The following SDK1 variants were observed in gnomAD, a reference collection of about 807,000 sequenced individuals.
SDK1 encodes sidekick cell adhesion molecule 1, also known as protein sidekick-1.
In SDK1, 157 loss-of-function variants were observed where a neutral mutation model predicts 245.5. The ratio of observed to expected loss-of-function variants is 0.64; its 90% CI spans 0.56 to 0.73. The LOEUF is 0.73. Ranked by LOEUF, SDK1 falls within the 30% of genes least tolerant of loss-of-function variation. The pLI is 0.00. For synonymous variants in SDK1, 1,647 were observed against 1,278.5 expected, an observed-to-expected ratio of 1.29 and a Z score of -6.15; for missense variants, 3,583 against 3,002.3, an observed-to-expected ratio of 1.19 and a Z score of -4.52.
chr7:3,308,807 A>G (rs951593432), intron 1 of SDK1, among the ~76,000 whole-genome samples: 1 of 152,058 alleles, frequency 6.6e-6, no homozygotes, highest in African/African-American at 2.4e-5. Context: ...TCTAGACCTA[A>G]TTCTTTACCT....
chr7:3,432,926 A>C (rs1779908609), intron 1 of SDK1, among the ~76,000 whole-genome samples: 1 of 152,224 alleles, frequency 6.6e-6, no homozygotes, highest in Non-Finnish European at 1.5e-5. Context: ...GATTCATAGC[A>C]TGTTATTACT....
At chr7:4,177,112 C>T (rs1184192928) in intron 34 of SDK1, among the ~76,000 whole-genome samples, 4 of 152,368 alleles carry the variant, frequency 2.6e-5, no homozygotes, top group South Asian at 4.1e-4. Flanking sequence ...GGCAGCACAG[C>T]TCCAACATGT....
intron 5 of SDK1, among the ~76,000 whole-genome samples, chr7:3,940,482 C>T (rs1431442483): frequency 2.6e-5 from 4 of 152,198 alleles, no homozygotes; most frequent in Admixed American, 2.6e-4. Context: ...ATGGCATCTT[C>T]TTCTTCCTTC....
chr7:3,634,747 A>T (rs56843848), intron 2 of SDK1, among the ~76,000 whole-genome samples: 1 of 152,164 alleles, frequency 6.6e-6, no homozygotes, highest in Non-Finnish European at 1.5e-5. Context: ...AACTTTCTTC[A>T]TATTTTTTCC....
At chr7:3,321,147 GAAATA>G (rs1320248502) in intron 1 of SDK1, among the ~76,000 whole-genome samples, 1 of 152,162 alleles carries the variant, frequency 6.6e-6, no homozygotes, top group Non-Finnish European at 1.5e-5. Context: ...CATCATACGT[GAAATA>G]AAATCTTTTT....
chr7:3,901,250 G>C (rs150055323), intron 5 of SDK1, among the ~76,000 whole-genome samples: 3 of 151,532 alleles, frequency 2.0e-5, no homozygotes, highest in Non-Finnish European at 4.4e-5. Flanking sequence ...GTGGTGGCAC[G>C]ATCTCAGCTC....
chr7:3,639,991 T>G (rs896932042), intron 3 of SDK1, among the ~76,000 whole-genome samples: 1 of 151,980 alleles, frequency 6.6e-6, no homozygotes, highest in Non-Finnish European at 1.5e-5. Context: ...GGACCACAGG[T>G]GTGTGCCACC....
chr7:3,967,511 C>A, intron 10 of SDK1, 77 bp downstream of exon 10: 1 of 874,396 alleles, frequency 1.1e-6, no homozygotes, highest in Non-Finnish European at 1.9e-6. Context: ...GCTTCTTATT[C>A]ACTCTCTTGT....
chr7:3,650,631 C>A (rs933274742), intron 4 of SDK1, among the ~76,000 whole-genome samples: 1 of 152,140 alleles, frequency 6.6e-6, no homozygotes, highest in Non-Finnish European at 1.5e-5. Flanking sequence ...GACTTTGATA[C>A]ATCAACAAAC....
At chr7:3,351,448 T>TC (rs1441461219) in intron 1 of SDK1, among the ~76,000 whole-genome samples, 2 of 152,058 alleles carry the variant, frequency 1.3e-5, no homozygotes, top group African/African-American at 4.8e-5. Flanking sequence ...AGCTATAAAT[T>TC]CAAGTGTCAG....
chr7:3,999,062 A>T (rs1784880757), intron 14 of SDK1, among the ~76,000 whole-genome samples: 1 of 152,102 alleles, frequency 6.6e-6, no homozygotes, highest in African/African-American at 2.4e-5. Context: ...ACCCAATTTT[A>T]TGCAGATTTT....
chr7:3,962,613 C>G (rs1781787703), intron 8 of SDK1, 44 bp from the exon 9 acceptor site: 2 of 1,474,302 alleles, frequency 1.4e-6, no homozygotes, highest in South Asian at 1.3e-5. Flanking sequence ...GTTCTCACGT[C>G]AGGAATTATT....
chr7:4,203,096 G>GCAGCCTC (rs1227674502), intron 35 of SDK1, among the ~76,000 whole-genome samples: 2 of 152,246 alleles, frequency 1.3e-5, no homozygotes, highest in East Asian at 3.8e-4. Flanking sequence ...GGGCTTGGCT[G>GCAGCCTC]CAGCCTCCAG....
chr7:3,779,657 G>A (rs2115010008), intron 4 of SDK1, among the ~76,000 whole-genome samples: 1 of 152,252 alleles, frequency 6.6e-6, no homozygotes, highest in South Asian at 2.1e-4. Context: ...ATGAGTCCGG[G>A]CGCGGTGGCT....
chr7:3,477,480 C>T (rs2128600743), intron 1 of SDK1, among the ~76,000 whole-genome samples: 1 of 151,182 alleles, frequency 6.6e-6, no homozygotes, highest in African/African-American at 2.4e-5. Context: ...GTGTGAGCCA[C>T]CCTGCTCGGC....
intron 1 of SDK1, among the ~76,000 whole-genome samples, chr7:3,437,192 T>C (rs966025575): frequency 6.6e-6 from 1 of 152,204 alleles, no homozygotes; most frequent in Admixed American, 6.5e-5. Flanking sequence ...AAAGGAGATA[T>C]TCCAATGCAA....
At chr7:3,981,412 C>G (rs1468087005) in intron 13 of SDK1, among the ~76,000 whole-genome samples, 2 of 152,082 alleles carry the variant, frequency 1.3e-5, no homozygotes, top group Admixed American at 1.3e-4. Flanking sequence ...GCAAAGGCCT[C>G]TGAGTGTCCA....
intron 1 of SDK1, among the ~76,000 whole-genome samples, chr7:3,447,965 C>A (rs10231085): frequency 0.75 from 114,222 of 151,904 alleles, 43,201 homozygotes; most frequent in African/African-American, 0.83. Flanking sequence ...CAGCCTCCCA[C>A]AGTGCTGGGA....
intron 4 of SDK1, among the ~76,000 whole-genome samples, chr7:3,761,056 A>T (rs1000413365): frequency 2.6e-5 from 4 of 152,160 alleles, no homozygotes; most frequent in African/African-American, 9.7e-5. Flanking sequence ...CTTGAGTTAG[A>T]TACGTAGGAG....
Sources: allele counts gnomAD v4.1 joint callset (sites outside exome capture counted in the v4.1 genomes callset), GRCh38; gene constraint gnomAD v4.1.1; transcripts MANE v1.5; gene names NCBI Gene and HGNC (gene_info 2026-07-23, HGNC 2026-07-21).